The following CLDN11 variants were observed in gnomAD, a reference collection of about 807,000 sequenced individuals.
The protein encoded by CLDN11 is claudin 11.
A neutral mutation model predicts 18.0 loss-of-function variants in CLDN11; 1 was observed. The ratio of observed to expected loss-of-function variants is 0.06; its 90% CI spans 0.02 to 0.26. CLDN11 has a LOEUF of 0.26. CLDN11 is among the 10% of genes least tolerant of loss of function. CLDN11 has a pLI of 1.00. For missense variants in CLDN11, 172 were observed against 276.6 expected (o/e 0.62, Z 2.68); for synonymous variants, 116 against 121.5 (o/e 0.96, Z 0.30).
At chr3:170,421,171 G>T in intron 1 of CLDN11, 1 of 406,308 alleles carries the variant, frequency 2.5e-6, no homozygotes, top group Non-Finnish European at 3.3e-6. Flanking sequence ...GGTGGGGGGC[G>T]GCGCTAGTCC....
intron 2 of CLDN11, among the ~76,000 whole-genome samples, chr3:170,427,478 G>A (rs2108246657): frequency 6.6e-6 from 1 of 152,182 alleles, no homozygotes; most frequent in Admixed American, 6.5e-5. Flanking sequence ...AAAATTAGCA[G>A]GGCATGGTGG....
At chr3:170,431,720 A>G (rs936731051) in intron 2 of CLDN11, among the ~76,000 whole-genome samples, 3 of 152,240 alleles carry the variant, frequency 2.0e-5, no homozygotes, top group African/African-American at 7.2e-5. Flanking sequence ...TATAAAATCA[A>G]AACCAAAATG....
intron 2 of CLDN11, 125 bp downstream of exon 2, chr3:170,423,452 T>G (rs75113768): frequency 0.023 from 22,000 of 966,600 alleles, 360 homozygotes; most frequent in East Asian, 0.067. Flanking sequence ...CAGTGGGGGA[T>G]GGACTCCCAC....
intron 1 of CLDN11, chr3:170,421,378 G>A (rs774902228): frequency 1.5e-4 from 127 of 820,374 alleles, no homozygotes; most frequent in Non-Finnish European, 8.1e-5. Flanking sequence ...GCGGACGGCT[G>A]GGTCAGGGGA....
chr3:170,424,197 G>A (rs1056663380), intron 2 of CLDN11, among the ~76,000 whole-genome samples: 1 of 152,120 alleles, frequency 6.6e-6, no homozygotes, highest in Non-Finnish European at 1.5e-5. Flanking sequence ...TAGGTACTGG[G>A]GACACTGGGG....
chr3:170,425,655 A>C (rs1738836565), intron 2 of CLDN11, among the ~76,000 whole-genome samples: 1 of 152,156 alleles, frequency 6.6e-6, no homozygotes, highest in African/African-American at 2.4e-5. Context: ...GTCTGGAGTG[A>C]AACTATGGGG....
intron 2 of CLDN11, among the ~76,000 whole-genome samples, chr3:170,425,588 A>T (rs1738834279): frequency 6.6e-6 from 1 of 152,166 alleles, no homozygotes. Context: ...AGCATCACAG[A>T]GGAAGAAAGC....
At chr3:170,430,161 G>C (rs1019932816) in intron 2 of CLDN11, among the ~76,000 whole-genome samples, 1 of 152,250 alleles carries the variant, frequency 6.6e-6, no homozygotes, top group African/African-American at 2.4e-5. Context: ...AAAATCTACA[G>C]TAGTTCTCTC....
chr3:170,430,249 A>G (rs532389558), intron 2 of CLDN11, among the ~76,000 whole-genome samples: 5 of 152,324 alleles, frequency 3.3e-5, no homozygotes, highest in African/African-American at 1.2e-4. Flanking sequence ...TCTTGCTGAA[A>G]GTAGAGACTC....
chr3:170,429,173 C>G, intron 2 of CLDN11, among the ~76,000 whole-genome samples: 1 of 152,256 alleles, frequency 6.6e-6, no homozygotes, highest in African/African-American at 2.4e-5. Flanking sequence ...TTAAACATTT[C>G]TCATTTTGGG....
At chr3:170,421,200 C>A in intron 1 of CLDN11, 1 of 800,482 alleles carries the variant, frequency 1.2e-6, no homozygotes, top group Non-Finnish European at 1.5e-6. Flanking sequence ...TTCCCCCTCC[C>A]TCATACTTTG....
In CLDN11 at chr3:170,421,343, T is replaced by C. The variant is rs899160391; in HGVS notation, c.227-1820T>C. On this transcript the variant is annotated intron_variant, in intron 1 of 2. Coordinates refer to ENST00000064724, the MANE Select transcript of CLDN11 (RefSeq NM_005602.6). Reference sequence around the variant, plus strand: ...CAGTTGACTGCCTGCTTTGTGTGAGTACTGGCTCTCTACAAGCCGCAGAGG... The same window carrying C: ...CAGTTGACTGCCTGCTTTGTGTGAGCACTGGCTCTCTACAAGCCGCAGAGG... 13 of 978,478 alleles carry C rather than the reference T, an allele frequency of 1.3e-5. No homozygotes were observed. The African/African-American group carries it at 2.3e-4, about 17-fold the overall frequency. 60.6% of individuals were successfully genotyped at this position (978,478 alleles called of 1,614,324 possible). A position where few individuals can be genotyped will look rare whatever the true frequency, so the allele number is the denominator to read the frequency against.
intron 1 of CLDN11, chr3:170,421,152 T>TGGGGGGGGGGG (rs71176567): frequency 1.3e-5 from 2 of 155,002 alleles, no homozygotes; most frequent in African/African-American, 3.7e-5. Flanking sequence ...ACTCTGGGGG[T>TGGGGGGGGGGG]GGGGGGGGGG....
At chr3:170,422,827 C>T (rs1738756268) in intron 1 of CLDN11, among the ~76,000 whole-genome samples, 2 of 152,320 alleles carry the variant, frequency 1.3e-5, no homozygotes, top group South Asian at 2.1e-4. Flanking sequence ...AATAGAGGCC[C>T]TCACAGAATG....
chr3:170,421,152 T>TGGGGGGGGGGGG (rs71176567), intron 1 of CLDN11: 1 of 154,942 alleles, frequency 6.5e-6, no homozygotes, highest in African/African-American at 3.7e-5. Context: ...ACTCTGGGGG[T>TGGGGGGGGGGGG]GGGGGGGGGG....
chr3:170,424,654 C>T (rs944096684), intron 2 of CLDN11, among the ~76,000 whole-genome samples: 3 of 152,152 alleles, frequency 2.0e-5, no homozygotes, highest in Non-Finnish European at 4.4e-5. Flanking sequence ...ACAAATTAGT[C>T]TGGTAATGGG....
chr3:170,424,618 G>A (rs1201947458), intron 2 of CLDN11, among the ~76,000 whole-genome samples: 1 of 152,122 alleles, frequency 6.6e-6, no homozygotes, highest in Non-Finnish European at 1.5e-5. Flanking sequence ...AACAACTCTT[G>A]TTGCAAAGTG....
rs562132669 is a variant in CLDN11, at chr3:170,424,235, A to G, written c.391+908A>G. On this transcript the variant is annotated intron_variant, in intron 2 of 2. Coordinates refer to ENST00000064724, the MANE Select transcript of CLDN11 (RefSeq NM_005602.6). ...AATAGGCCGTCTTTGCTTTGAGTGT[A>G]CTTGGAAACCTCAATAGAATATGGT... Among the ~76,000 whole-genome samples, 13 of 152,178 alleles carry G rather than the reference A, an allele frequency of 8.5e-5. No individual in the cohort carries two copies. In the South Asian group the frequency reaches 2.7e-3, roughly 32 times the overall value.
At chr3:170,424,799 A>G (rs1738806411) in intron 2 of CLDN11, among the ~76,000 whole-genome samples, 3 of 152,196 alleles carry the variant, frequency 2.0e-5, no homozygotes. Context: ...GGTACCTCCC[A>G]TCTGGAGGCC....
Sources: allele counts gnomAD v4.1 joint callset (sites outside exome capture counted in the v4.1 genomes callset), GRCh38; gene constraint gnomAD v4.1.1; transcripts MANE v1.5; gene names NCBI Gene and HGNC (gene_info 2026-07-23, HGNC 2026-07-21).